Variants in SUCLG2 observed in about 807,000 individuals in gnomAD.
SUCLG2 encodes succinate--CoA ligase [GDP-forming] subunit beta, mitochondrial.
SUCLG2 carries 42 observed loss-of-function variants against 47.9 expected under a neutral mutation model. The ratio of observed to expected loss-of-function variants is 0.88; its 90% CI spans 0.69 to 1.14. The LOEUF is 1.14. Among genes scored for constraint, SUCLG2 ranks in the 50% most tolerant of loss-of-function variants. SUCLG2 has a pLI of 0.00. For synonymous variants in SUCLG2, 195 were observed against 197.3 expected (o/e 0.99, Z 0.10); for missense variants, 571 against 525.9 (o/e 1.09, Z -0.84).
intron 10 of SUCLG2, among the ~76,000 whole-genome samples, chr3:67,394,817 G>T (rs899150515): frequency 6.6e-6 from 1 of 151,466 alleles, no homozygotes; most frequent in African/African-American, 2.4e-5. Flanking sequence ...GACTAACAGC[G>T]GATCTCTCGG....
At chr3:67,651,740 T>C (rs2107389087) in intron 1 of SUCLG2, among the ~76,000 whole-genome samples, 1 of 152,332 alleles carries the variant, frequency 6.6e-6, no homozygotes, top group Middle Eastern at 3.4e-3. Context: ...TTTGTAATTG[T>C]TCATTTTTCA....
chr3:67,409,182 T>TGGGGAGGGGCCATGAAGGTACA, intron 9 of SUCLG2: 1 of 828,660 alleles, frequency 1.2e-6, no homozygotes, highest in Non-Finnish European at 1.8e-6. Flanking sequence ...TAGATGGGGC[T>TGGGGAGGGGCCATGAAGGTACA]GGGGAGGGGT....
intron 2 of SUCLG2, among the ~76,000 whole-genome samples, chr3:67,553,474 C>T (rs1228348309): frequency 1.3e-5 from 2 of 152,196 alleles, no homozygotes; most frequent in Non-Finnish European, 2.9e-5. Context: ...ATGTAATTCA[C>T]TTTCAAGGGG....
At chr3:67,485,406 A>G (rs950778420) in intron 9 of SUCLG2, among the ~76,000 whole-genome samples, 1 of 152,328 alleles carries the variant, frequency 6.6e-6, no homozygotes, top group Non-Finnish European at 1.5e-5. Context: ...TTCTGACTGT[A>G]TAATTCCCTG....
At chr3:67,506,682 A>G (rs1705647033) in intron 7 of SUCLG2, among the ~76,000 whole-genome samples, 1 of 152,204 alleles carries the variant, frequency 6.6e-6, no homozygotes, top group Admixed American at 6.5e-5. Context: ...CTACAGCTAC[A>G]TTTCCATTTT....
intron 9 of SUCLG2, among the ~76,000 whole-genome samples, chr3:67,417,484 T>C (rs921167967): frequency 6.6e-6 from 1 of 152,254 alleles, no homozygotes; most frequent in African/African-American, 2.4e-5. Context: ...TACATTCATA[T>C]TGTAAAATAC....
Position 67,564,207 on chromosome 3 carries a change from T to C in SUCLG2, c.227-35021A>G, listed in dbSNP as rs139025389. Reference sequence around the variant, plus strand: ...GAGCGGCTGCCAGCACAGGAAGTAATAGTGTCCATTTTTTGGACTGCATTC... The same window carrying C: ...GAGCGGCTGCCAGCACAGGAAGTAACAGTGTCCATTTTTTGGACTGCATTC... On this transcript the variant is annotated intron_variant, in intron 2 of 10. Coordinates refer to ENST00000307227, the MANE Select transcript of SUCLG2 (RefSeq NM_003848.4). Among the ~76,000 whole-genome samples the C allele has an allele frequency of 4.3e-3, 654 of 152,296 alleles. 5 individuals are homozygous for C. The highest frequency in any genetic ancestry group is 0.014 in the African/African-American group (590 of 41,562).
intron 2 of SUCLG2, among the ~76,000 whole-genome samples, chr3:67,596,252 C>T (rs1380192995): frequency 2.6e-5 from 4 of 152,336 alleles, no homozygotes; most frequent in African/African-American, 4.8e-5. Flanking sequence ...CCCCTCAACA[C>T]AAGTAACTAG....
At chr3:67,587,761 C>T (rs778615341) in intron 2 of SUCLG2, among the ~76,000 whole-genome samples, 1 of 152,096 alleles carries the variant, frequency 6.6e-6, no homozygotes, top group Non-Finnish European at 1.5e-5. Context: ...GTCACCAAAG[C>T]CTATAATCCA....
intron 2 of SUCLG2, among the ~76,000 whole-genome samples, chr3:67,582,309 CTTT>C (rs1477680329): frequency 6.6e-6 from 1 of 152,124 alleles, no homozygotes; most frequent in Non-Finnish European, 1.5e-5. Context: ...TTGTTCTCTT[CTTT>C]GTGTCCATAT....
chr3:67,609,594 T>G lies in SUCLG2; in HGVS notation c.87A>C (p.Ala29=), dbSNP rs147420535. ...GCCATCTTCTGGAGGTTAATTGAAC[T>G]GCCTACAGAAATTGAAGGAGAGAGG... ...RPRFLAAGSQ[A]VQLTSRRWLN... The change falls in exon 2 of 11, where the codon GCA becomes GCC. Residue 29 remains alanine, a splice_region_variant and synonymous_variant. Transcript: ENST00000307227. 2.4e-5 allele frequency: 38 copies of G among 1,612,144 alleles called. No homozygotes were observed. The highest frequency in any genetic ancestry group is 3.1e-5 in the Non-Finnish European group (37 of 1,179,472).
At chr3:67,603,980 TC>T (rs768086400) in intron 2 of SUCLG2, among the ~76,000 whole-genome samples, 23 of 152,308 alleles carry the variant, frequency 1.5e-4, no homozygotes, top group Admixed American at 4.6e-4. Context: ...AAACAACTCC[TC>T]CTTTAAAGCG....
intron 6 of SUCLG2, among the ~76,000 whole-genome samples, chr3:67,511,419 T>C (rs1705786153): frequency 6.6e-6 from 1 of 152,158 alleles, no homozygotes; most frequent in African/African-American, 2.4e-5. Flanking sequence ...GGTAACTGAA[T>C]CATGGGGACG....
At chr3:67,409,675 C>T (rs147860118) in intron 9 of SUCLG2, among the ~76,000 whole-genome samples, 1 of 151,898 alleles carries the variant, frequency 6.6e-6, no homozygotes. Flanking sequence ...CCTTTAATAA[C>T]TTTTACAAAG....
intron 1 of SUCLG2, among the ~76,000 whole-genome samples, chr3:67,628,826 G>A (rs906714618): frequency 2.6e-5 from 4 of 152,044 alleles, no homozygotes; most frequent in Admixed American, 6.5e-5. Flanking sequence ...ACCCAGTCTC[G>A]GATATCTCTT....
chr3:67,434,266 C>T (rs1010806044), intron 9 of SUCLG2, among the ~76,000 whole-genome samples: 1 of 152,192 alleles, frequency 6.6e-6, no homozygotes, highest in Admixed American at 6.5e-5. Context: ...TGGCTCACGT[C>T]CGTTATCCCA....
At chr3:67,639,066 T>C (rs1370312407) in intron 1 of SUCLG2, among the ~76,000 whole-genome samples, 6 of 152,182 alleles carry the variant, frequency 3.9e-5, no homozygotes, top group Admixed American at 3.9e-4. Flanking sequence ...CAGCCATGTG[T>C]CCAGAGAAAA....
At chr3:67,581,720 G>T (rs1455935810) in intron 2 of SUCLG2, among the ~76,000 whole-genome samples, 9 of 152,156 alleles carry the variant, frequency 5.9e-5, no homozygotes, top group Admixed American at 5.9e-4. Flanking sequence ...ACTCGAGTAT[G>T]GAAAGTCAGA....
chr3:67,376,004 G>A, intron 10 of SUCLG2, 145 bp from the exon 11 acceptor site: 3 of 1,385,960 alleles, frequency 2.2e-6, no homozygotes, highest in Non-Finnish European at 2.8e-6. Flanking sequence ...GTCACTGACA[G>A]AAAAGATTAT....
Sources: allele counts gnomAD v4.1 joint callset (sites outside exome capture counted in the v4.1 genomes callset), GRCh38; gene constraint gnomAD v4.1.1; transcripts MANE v1.5; gene names NCBI Gene and HGNC (gene_info 2026-07-23, HGNC 2026-07-21).